Variants in PKHD1 observed in about 807,000 individuals in gnomAD.
PKHD1 encodes the protein fibrocystin.
Under a neutral mutation model 412.0 loss-of-function variants are expected in PKHD1, and 291 were observed. That is an observed-to-expected ratio of 0.71 (90% confidence interval 0.64 to 0.78). The LOEUF is 0.78. Ranked by LOEUF, PKHD1 falls within the 30% of genes least tolerant of loss-of-function variation. The pLI, the probability that PKHD1 is intolerant of heterozygous loss-of-function variation, is 0.00. For synonymous variants in PKHD1, 1,777 were observed against 1,821.5 expected, an observed-to-expected ratio of 0.98 and a Z score of 0.62; for missense variants, 4,825 against 4,950.7, an observed-to-expected ratio of 0.97 and a Z score of 0.76.
chr6:51,937,989 T>C (rs999830410), intron 36 of PKHD1, among the ~76,000 whole-genome samples: 4 of 152,212 alleles, frequency 2.6e-5, no homozygotes, highest in Non-Finnish European at 5.9e-5. Context: ...TGCTCATTCC[T>C]AGGTGTAAGC....
At chr6:51,964,623 C>T (rs1792539794) in intron 35 of PKHD1, among the ~76,000 whole-genome samples, 1 of 152,036 alleles carries the variant, frequency 6.6e-6, no homozygotes, top group South Asian at 2.1e-4. Flanking sequence ...TTGGCTACCC[C>T]AAAAATATGT....
At chr6:51,827,778 T>G (rs115464044) in intron 52 of PKHD1, among the ~76,000 whole-genome samples, 1 of 152,150 alleles carries the variant, frequency 6.6e-6, no homozygotes, top group Non-Finnish European at 1.5e-5. Context: ...TCCCAGATCA[T>G]GAGCGCTTGG....
intron 52 of PKHD1, among the ~76,000 whole-genome samples, chr6:51,830,620 C>T (rs1768074077): frequency 1.3e-5 from 2 of 152,138 alleles, no homozygotes; most frequent in South Asian, 4.1e-4. Context: ...TAACTCCTTT[C>T]AGCATGACAA....
intron 52 of PKHD1, among the ~76,000 whole-genome samples, chr6:51,797,013 C>T (rs1230546460): frequency 2.6e-5 from 4 of 151,948 alleles, no homozygotes; most frequent in African/African-American, 9.7e-5. Flanking sequence ...AGGGTTTCAC[C>T]GTGTTGCCCA....
chr6:51,862,789 G>A (rs901842516), intron 48 of PKHD1, among the ~76,000 whole-genome samples: 5 of 152,180 alleles, frequency 3.3e-5, no homozygotes, highest in African/African-American at 1.2e-4. Context: ...ACTGGGGCAC[G>A]ATGAATCAAA....
chr6:51,925,945 T>A, intron 37 of PKHD1, among the ~76,000 whole-genome samples: 1 of 148,990 alleles, frequency 6.7e-6, no homozygotes, highest in Admixed American at 6.8e-5. Flanking sequence ...ATATTATGAG[T>A]CCAGGCACTG....
At chr6:51,698,124 A>C (rs1779013847) in intron 60 of PKHD1, among the ~76,000 whole-genome samples, 1 of 152,224 alleles carries the variant, frequency 6.6e-6, no homozygotes, top group Non-Finnish European at 1.5e-5. Flanking sequence ...GAGACCACTA[A>C]ACAGGTCTGA....
chr6:51,824,087 T>C (rs2151473145), intron 52 of PKHD1, among the ~76,000 whole-genome samples: 1 of 152,280 alleles, frequency 6.6e-6, no homozygotes. Context: ...ACATATGTCA[T>C]AGCATTTTAC....
chr6:52,024,117 C>T (rs1313873289), intron 32 of PKHD1, among the ~76,000 whole-genome samples: 4 of 152,306 alleles, frequency 2.6e-5, no homozygotes, highest in Admixed American at 2.0e-4. Context: ...TTTAATTGTT[C>T]TGTGCATTTG....
chr6:51,874,257 C>T (rs992965550), intron 46 of PKHD1, among the ~76,000 whole-genome samples: 5 of 145,516 alleles, frequency 3.4e-5, no homozygotes, highest in African/African-American at 1.3e-4. Flanking sequence ...AGTAGGGTGA[C>T]CGTAATTTAA....
At chr6:52,030,421 G>A (rs533732007) in intron 29 of PKHD1, among the ~76,000 whole-genome samples, 3 of 152,238 alleles carry the variant, frequency 2.0e-5, no homozygotes, top group East Asian at 1.9e-4. Flanking sequence ...TTTCTTCCTC[G>A]TTCCCCATTC....
intron 43 of PKHD1, among the ~76,000 whole-genome samples, chr6:51,891,649 C>T (rs1325684235): frequency 3.3e-5 from 5 of 151,544 alleles, no homozygotes; most frequent in Non-Finnish European, 7.4e-5. Flanking sequence ...ATAGCGGCAC[C>T]CCCAACAGGA....
chr6:51,948,618 T>C (rs1010279206), intron 36 of PKHD1, among the ~76,000 whole-genome samples: 1 of 152,218 alleles, frequency 6.6e-6, no homozygotes, highest in Non-Finnish European at 1.5e-5. Context: ...TCCCTGTGCC[T>C]GGAACATGGG....
intron 36 of PKHD1, among the ~76,000 whole-genome samples, chr6:51,944,875 A>G (rs949389160): frequency 1.3e-5 from 2 of 152,232 alleles, no homozygotes; most frequent in Non-Finnish European, 2.9e-5. Context: ...CTGCTAGACC[A>G]TCTGCATCCA....
At chr6:51,814,651 C>A (rs913582401) in intron 52 of PKHD1, among the ~76,000 whole-genome samples, 1 of 152,130 alleles carries the variant, frequency 6.6e-6, no homozygotes, top group Non-Finnish European at 1.5e-5. Flanking sequence ...ATTGGCAAGC[C>A]ACACCAGGCC....
chr6:52,024,510 A>G, intron 32 of PKHD1, 64 bp downstream of exon 32: 1 of 1,459,188 alleles, frequency 6.9e-7, no homozygotes, highest in Non-Finnish European at 9.6e-7. Context: ...TACTTTCCAG[A>G]AGTGAAAGGA....
intron 36 of PKHD1, among the ~76,000 whole-genome samples, chr6:51,938,137 A>G (rs79586880): frequency 1.6e-5 from 2 of 122,348 alleles, no homozygotes; most frequent in African/African-American, 6.1e-5. Context: ...CCAAAATTCT[A>G]AGATGTTTAG....
At chr6:51,707,711 C>T (rs1035461332) in intron 60 of PKHD1, among the ~76,000 whole-genome samples, 2 of 152,136 alleles carry the variant, frequency 1.3e-5, no homozygotes, top group Admixed American at 1.3e-4. Flanking sequence ...TTCTCTGAAA[C>T]TGCTTGTATC....
intron 50 of PKHD1, among the ~76,000 whole-genome samples, chr6:51,846,813 C>T (rs1029969464): frequency 6.6e-6 from 1 of 152,134 alleles, no homozygotes; most frequent in Non-Finnish European, 1.5e-5. Context: ...ATCTTCCTGA[C>T]CTCAGATTCT....
Sources: allele counts gnomAD v4.1 joint callset (sites outside exome capture counted in the v4.1 genomes callset), GRCh38; gene constraint gnomAD v4.1.1; transcripts MANE v1.5; gene names NCBI Gene and HGNC (gene_info 2026-07-23, HGNC 2026-07-21).